The following BCO1 variants were observed in gnomAD, a reference collection of about 807,000 sequenced individuals.
BCO1 encodes the protein beta,beta-carotene 15,15'-dioxygenase.
A neutral mutation model predicts 56.3 loss-of-function variants in BCO1; 54 were observed. The observed-to-expected ratio is 0.96, with a 90% CI of 0.77 to 1.20. BCO1 has a LOEUF of 1.20. Among genes scored for constraint, BCO1 ranks in the 50% most tolerant of loss-of-function variants. BCO1 has a pLI of 0.00. For synonymous variants in BCO1, 318 were observed against 266.1 expected (o/e 1.20, Z -1.90); for missense variants, 801 against 690.9 (o/e 1.16, Z -1.79).
At position 81,253,701 on chromosome 16, in the gene BCO1, C is replaced by T. The variant is rs116920175; in HGVS notation, c.194-5975C>T. ...CAGTGAGGCTGGGCACCGTGCCTCA[C>T]ACTTGTAATCCCAGCACTTCAGGAT... On this transcript the variant is annotated intron_variant, in intron 2 of 10. Coordinates refer to ENST00000258168, the MANE Select transcript of BCO1 (RefSeq NM_017429.3). Among the ~76,000 whole-genome samples the T allele has an allele frequency of 7.9e-5, 12 of 152,326 alleles. 1 individual carries two copies. In the East Asian group the frequency reaches 2.1e-3, roughly 27 times the overall value.
At chr16:81,243,331 G>A (rs1905222768) in intron 1 of BCO1, among the ~76,000 whole-genome samples, 1 of 152,144 alleles carries the variant, frequency 6.6e-6, no homozygotes, top group Non-Finnish European at 1.5e-5. Context: ...AGGACCCTTA[G>A]TGTGATCCTG....
intron 4 of BCO1, chr16:81,263,458 C>T (rs1906624767): frequency 6.6e-6 from 1 of 152,194 alleles, no homozygotes; most frequent in South Asian, 2.1e-4. Flanking sequence ...ATGACCTCAT[C>T]TTAACTTAAT....
intron 6 of BCO1, 107 bp from the exon 7 acceptor site, chr16:81,270,052 G>C (rs1907086656): frequency 7.0e-7 from 1 of 1,419,940 alleles, no homozygotes; most frequent in Non-Finnish European, 9.9e-7. Flanking sequence ...TGGGGACATA[G>C]TCCTGAGCCT....
chr16:81,277,760 T>C (rs1240786749), intron 7 of BCO1, among the ~76,000 whole-genome samples: 1 of 152,252 alleles, frequency 6.6e-6, no homozygotes. Flanking sequence ...GGATTCTGGC[T>C]GGAAAGTGAT....
chr16:81,259,920 AT>A, intron 3 of BCO1, 115 bp downstream of exon 3: 1 of 1,301,764 alleles, frequency 7.7e-7, no homozygotes, highest in Non-Finnish European at 1.1e-6. Flanking sequence ...AAAACTCCAC[AT>A]GACTGCCCTT....
At chr16:81,273,750 A>T (rs1429288539) in intron 7 of BCO1, among the ~76,000 whole-genome samples, 1 of 152,152 alleles carries the variant, frequency 6.6e-6, no homozygotes, top group Non-Finnish European at 1.5e-5. Flanking sequence ...GAAGACAAGC[A>T]TGAGAATAAA....
intron 1 of BCO1, among the ~76,000 whole-genome samples, chr16:81,240,969 G>T (rs537552669): frequency 6.6e-6 from 1 of 151,298 alleles, no homozygotes; most frequent in South Asian, 2.1e-4. Context: ...CAAATAGCTG[G>T]AATGACAGGC....
Position 81,267,891 on chromosome 16 carries a change from G to C in BCO1, c.620-17G>C. The C allele has an allele frequency of 6.2e-7, 1 of 1,612,130 alleles. No individual in the cohort carries two copies. Among genetic ancestry groups the C allele is most frequent in the Non-Finnish European group, 8.5e-7 (1 of 1,178,796 alleles). On this transcript the variant is annotated splice_polypyrimidine_tract_variant and intron_variant, in intron 5 of 10. Transcript: ENST00000258168. ...AGATCCTGCACAATTCCTGAGGCTT[G>C]CTTTTTGTCTTGCTAGAGGGCAAGA...
rs749341872 is a variant in BCO1, at chr16:81,270,367, C to A, written c.1052C>A (p.Thr351Asn). 5.1e-5 allele frequency: 82 copies of A among 1,614,022 alleles called. No individual in the cohort carries two copies. Among genetic ancestry groups the A allele is most frequent in the Non-Finnish European group, 6.7e-5 (79 of 1,180,034 alleles). ...GACTTCAAGGAGAACTCCAGGCTCA[C>A]CTCGGTCCCCACCCTCAGGAGGTTT... ...NQDFKENSRL[T>N]SVPTLRRFAV... The change falls in exon 7 of 11, where the codon ACC becomes AAC. Residue 351 changes from threonine to asparagine, a missense_variant. Physicochemically the swap from Thr to Asn is moderately conservative, Grantham distance 65. Transcript: ENST00000258168.
intron 1 of BCO1, among the ~76,000 whole-genome samples, chr16:81,244,220 T>C (rs897912155): frequency 1.3e-5 from 2 of 152,190 alleles, no homozygotes; most frequent in African/African-American, 4.8e-5. Context: ...ACCAACAGCA[T>C]TTTCTGCAGC....
At chr16:81,239,022 T>G (rs757979814) in intron 1 of BCO1, 50 bp downstream of exon 1, 80 of 875,356 alleles carry the variant, frequency 9.1e-5, no homozygotes, top group Non-Finnish European at 8.3e-5. Context: ...ATTTTATTAT[T>G]TTTTTTTTTT....
chr16:81,287,078 AAAAC>A (rs763218062), intron 9 of BCO1, among the ~76,000 whole-genome samples: 14 of 151,090 alleles, frequency 9.3e-5, no homozygotes, highest in African/African-American at 1.9e-4. Context: ...TCCGTCTCAA[AAAAC>A]AAACAAACAA....
rs1235177386 is a variant in BCO1 at position 81,267,922 on chromosome 16, G to C, written c.634G>C (p.Gly212Arg). ...PATVPEGKKQ[G>R]KSPWKHTEVF... ...TGTCTTGCTAGAGGGCAAGAAGCAG[G>C]GGAAGAGCCCCTGGAAGCACACAGA... is the stretch of plus-strand genomic sequence containing the variant. Residue 212 changes from glycine to arginine, a missense_variant, in exon 6 of 11, where the codon GGG becomes CGG. Transcript: ENST00000258168. The C allele has an allele frequency of 6.2e-7, 1 of 1,613,872 alleles. No individual in the cohort carries two copies. The highest frequency in any genetic ancestry group is 1.7e-5 in the Admixed American group (1 of 60,000).
At chr16:81,254,644 G>T (rs2151932471) in intron 2 of BCO1, among the ~76,000 whole-genome samples, 1 of 152,154 alleles carries the variant, frequency 6.6e-6, no homozygotes, top group African/African-American at 2.4e-5. Context: ...CCACTGGAAT[G>T]TACATTCAAA....
At chr16:81,285,131 C>T (rs1419962382) in intron 8 of BCO1, among the ~76,000 whole-genome samples, 1 of 152,178 alleles carries the variant, frequency 6.6e-6, no homozygotes, top group Admixed American at 6.5e-5. Context: ...TGAGCCACTG[C>T]GCCCAGCCAG....
chr16:81,241,127 C>A (rs970740744), intron 1 of BCO1, among the ~76,000 whole-genome samples: 2 of 152,046 alleles, frequency 1.3e-5, no homozygotes, highest in Non-Finnish European at 2.9e-5. Context: ...AACCACCATG[C>A]CCGGCCTGAA....
intron 2 of BCO1, among the ~76,000 whole-genome samples, chr16:81,251,846 A>G (rs988579705): frequency 6.9e-6 from 1 of 144,686 alleles, no homozygotes. Flanking sequence ...ACACACACAC[A>G]CACACGCACA....
At chr16:81,284,257 A>T (rs148138915) in intron 8 of BCO1, among the ~76,000 whole-genome samples, 2 of 1,678 alleles carry the variant, frequency 1.2e-3, no homozygotes, top group African/African-American at 1.5e-3. Context: ...TTTATATATA[A>T]ATATATATTT....
At chr16:81,279,258 G>A (rs1390820182) in intron 7 of BCO1, among the ~76,000 whole-genome samples, 6 of 152,108 alleles carry the variant, frequency 3.9e-5, no homozygotes, top group Non-Finnish European at 7.4e-5. Flanking sequence ...CAGCCTGGGC[G>A]ACAGAGCAAG....
Sources: allele counts gnomAD v4.1 joint callset (sites outside exome capture counted in the v4.1 genomes callset), GRCh38; gene constraint gnomAD v4.1.1; transcripts MANE v1.5; gene names NCBI Gene and HGNC (gene_info 2026-07-23, HGNC 2026-07-21).